The following GDA variants were observed in gnomAD, a reference collection of about 807,000 sequenced individuals.
GDA encodes the protein guanine deaminase.
GDA carries 18 observed loss-of-function variants against 59.6 expected under a neutral mutation model. That is an observed-to-expected ratio of 0.30 (90% confidence interval 0.21 to 0.45). GDA has a LOEUF of 0.45. Among genes scored for constraint, GDA ranks in the 20% least tolerant of loss-of-function variants. The pLI is 1.00. For missense variants in GDA, 427 were observed against 552.3 expected, an observed-to-expected ratio of 0.77 and a Z score of 2.27; for synonymous variants, 201 against 201.1, an observed-to-expected ratio of 1.00 and a Z score of 0.00.
chr9:72,219,586 T>A, intron 6 of GDA, 80 bp downstream of exon 6: 1 of 1,001,130 alleles, frequency 1.0e-6, no homozygotes. Context: ...TGATAGTGAT[T>A]AGTCTGTGTA....
At chr9:72,214,925 G>A in intron 5 of GDA, 1 of 188,810 alleles carries the variant, frequency 5.3e-6, no homozygotes, top group Non-Finnish European at 1.1e-5. Context: ...GTAGAGACGT[G>A]GTTTCACCAG....
rs201850416 is a variant in GDA at position 72,248,536 on chromosome 9, G to T, written c.*194G>T. 7.3e-7 allele frequency: 1 copy of T among 1,361,104 alleles called. No homozygotes were observed. The highest frequency in any genetic ancestry group is 9.5e-7 in the Non-Finnish European group (1 of 1,053,786). 84.3% of individuals were successfully genotyped at this position (1,361,104 alleles called of 1,614,324 possible). On this transcript the variant is annotated 3_prime_UTR_variant, in exon 14 of 14. Transcript: ENST00000358399. ...CTAATTCTCAACTCTGGTTGAGAGG[G>T]TTCATAAATTTCATGAAAATATCTC...
chr9:72,155,914 G>T (rs766308343), intron 1 of GDA, among the ~76,000 whole-genome samples: 1 of 152,074 alleles, frequency 6.6e-6, no homozygotes, highest in Non-Finnish European at 1.5e-5. Flanking sequence ...AATTACTATG[G>T]TCTACCTAAT....
intron 1 of GDA, among the ~76,000 whole-genome samples, chr9:72,131,415 G>A (rs966875333): frequency 1.3e-5 from 2 of 152,024 alleles, no homozygotes; most frequent in South Asian, 2.1e-4. Context: ...CAAAGGCAGC[G>A]AACTGAATGA....
intron 1 of GDA, among the ~76,000 whole-genome samples, chr9:72,133,349 G>A (rs1826105632): frequency 6.8e-6 from 1 of 148,114 alleles, no homozygotes; most frequent in Non-Finnish European, 1.5e-5. Context: ...TTAGGAAGCA[G>A]TCTCTGAGCT....
At chr9:72,150,219 G>A (rs116844265) in intron 1 of GDA, among the ~76,000 whole-genome samples, 5,049 of 152,050 alleles carry the variant, frequency 0.033, 120 homozygotes, top group Non-Finnish European at 0.05. Flanking sequence ...ATATACTAAC[G>A]ATGAAGGTTC....
rs551845045 is a variant in GDA at position 72,181,945 on chromosome 9, G to A, written c.124-13555G>A. 1.6e-4 allele frequency among the ~76,000 whole-genome samples: 24 copies of A among 151,970 alleles called. 1 individual carries two copies. The South Asian group carries it at 3.7e-3, about 24-fold the overall frequency. ...AATAATGCTGCTATAGACTTCACCCGGATTCTCAGTGCTAATATTTTACAA... is the reference window on the plus strand; with the variant it reads ...AATAATGCTGCTATAGACTTCACCCAGATTCTCAGTGCTAATATTTTACAA... On this transcript the variant is annotated intron_variant, in intron 1 of 13. Transcript: ENST00000358399.
Position 72,198,862 on chromosome 9 carries a change from A to ATATATATAT in GDA, c.212+3274_212+3275insTATATATAT, listed in dbSNP as rs1564025002. On this transcript the variant is annotated intron_variant, in intron 2 of 13. Transcript: ENST00000358399. ...ATATAGGGGGATATATATATATATA[A>ATATATATAT]AATTTTTTTTGCTCAGGTTATGATA... Among the ~76,000 whole-genome samples the ATATATATAT allele has an allele frequency of 9.6e-4, 88 of 91,816 alleles. 2 individuals carry two copies. Among genetic ancestry groups the ATATATATAT allele is most frequent in the African/African-American group, 3.3e-3 (84 of 25,820 alleles). 60.2% of individuals were successfully genotyped at this position (91,816 alleles called of 152,430 possible). A position where few individuals can be genotyped will look rare whatever the true frequency, so the allele number is the denominator to read the frequency against.
At chr9:72,226,504 G>A (rs1837605055) in intron 8 of GDA, among the ~76,000 whole-genome samples, 1 of 152,146 alleles carries the variant, frequency 6.6e-6, no homozygotes, top group South Asian at 2.1e-4. Flanking sequence ...TTTAAAAAAT[G>A]AGTATGCATT....
intron 1 of GDA, among the ~76,000 whole-genome samples, chr9:72,171,248 T>C (rs1227402137): frequency 3.9e-5 from 6 of 152,258 alleles, no homozygotes; most frequent in Non-Finnish European, 8.8e-5. Context: ...ACAACTATAA[T>C]TTTAATTCCT....
intron 3 of GDA, among the ~76,000 whole-genome samples, chr9:72,203,376 G>A (rs981349429): frequency 3.3e-5 from 5 of 152,182 alleles, no homozygotes; most frequent in Admixed American, 2.0e-4. Context: ...CATGGCACGT[G>A]GTAATGTGAC....
intron 12 of GDA, among the ~76,000 whole-genome samples, chr9:72,246,182 T>C (rs763580981): frequency 1.3e-5 from 2 of 152,146 alleles, no homozygotes; most frequent in African/African-American, 4.8e-5. Flanking sequence ...AGTTTTGCTC[T>C]TGTCGCCCAG....
chr9:72,233,409 T>C (rs548686858), intron 10 of GDA, among the ~76,000 whole-genome samples: 1 of 152,270 alleles, frequency 6.6e-6, no homozygotes, highest in South Asian at 2.1e-4. Flanking sequence ...GTACAGGAAA[T>C]CATGGTTCTA....
At chr9:72,193,574 T>C (rs530614352) in intron 1 of GDA, among the ~76,000 whole-genome samples, 1 of 152,260 alleles carries the variant, frequency 6.6e-6, no homozygotes, top group Non-Finnish European at 1.5e-5. Flanking sequence ...TCACTATGAC[T>C]GTGCTGGGTC....
intron 10 of GDA, among the ~76,000 whole-genome samples, chr9:72,232,185 T>C (rs1249915295): frequency 6.6e-6 from 1 of 152,156 alleles, no homozygotes; most frequent in Non-Finnish European, 1.5e-5. Context: ...GGAGGACGTG[T>C]TTTCTGTTCT....
At chr9:72,116,289 G>A (rs561611654) in intron 1 of GDA, among the ~76,000 whole-genome samples, 9 of 151,396 alleles carry the variant, frequency 5.9e-5, no homozygotes, top group African/African-American at 2.2e-4. Context: ...TCCTATATAA[G>A]CATCAAGTCA....
intron 10 of GDA, among the ~76,000 whole-genome samples, chr9:72,233,515 G>A (rs1248086273): frequency 6.6e-6 from 1 of 152,200 alleles, no homozygotes. Context: ...GATGGAAGGA[G>A]AGTGGATGGT....
downstream of GDA, among the ~76,000 whole-genome samples, chr9:72,254,442 T>G (rs1810812084): frequency 6.7e-6 from 1 of 150,060 alleles, no homozygotes; most frequent in African/African-American, 2.5e-5. Flanking sequence ...CAGTACAAAA[T>G]GCAATTAAAA....
intron 1 of GDA, among the ~76,000 whole-genome samples, chr9:72,140,005 C>T (rs537742499): frequency 6.6e-6 from 1 of 152,162 alleles, no homozygotes; most frequent in African/African-American, 2.4e-5. Flanking sequence ...CATTCACCTT[C>T]TTCTGGACAC....
Sources: allele counts gnomAD v4.1 joint callset (sites outside exome capture counted in the v4.1 genomes callset), GRCh38; gene constraint gnomAD v4.1.1; transcripts MANE v1.5; gene names NCBI Gene and HGNC (gene_info 2026-07-23, HGNC 2026-07-21).